PLCE1: variants seen among roughly 807,000 people sequenced by gnomAD.
PLCE1 encodes the protein phospholipase C epsilon 1, also known as 1-phosphatidylinositol 4,5-bisphosphate phosphodiesterase epsilon-1.
In PLCE1, 119 loss-of-function variants were observed where a neutral mutation model predicts 242.8. The observed-to-expected ratio is 0.49, with a 90% CI of 0.42 to 0.57. PLCE1 has a LOEUF of 0.57. Among genes scored for constraint, PLCE1 ranks in the 20% least tolerant of loss-of-function variants. The probability of loss-of-function intolerance (pLI) is 0.00; values close to 1 mark genes in which losing one functional copy is unlikely to be tolerated. For missense variants in PLCE1, 2,441 were observed against 2,788.8 expected (o/e 0.88, Z 2.81); for synonymous variants, 945 against 1,017.4 (o/e 0.93, Z 1.35).
chr10:94,032,014 C>G lies in PLCE1; in HGVS notation c.968C>G (p.Thr323Ser), dbSNP rs1295865478. 6.2e-7 allele frequency: 1 copy of G among 1,613,814 alleles called. No individual in the cohort carries two copies. Among genetic ancestry groups the G allele is most frequent in the Non-Finnish European group, 8.5e-7 (1 of 1,179,836 alleles). Reference sequence around the variant, plus strand: ...TTTAAAAGCAAAAAGGAGCGATCCACTTTGTTAGTCAGGAGATTCTGTAAA... The same window carrying G: ...TTTAAAAGCAAAAAGGAGCGATCCAGTTTGTTAGTCAGGAGATTCTGTAAA... ...DAFKSKKERS[T>S]LLVRRFCKND... The change falls in exon 2 of 33, where the codon ACT (threonine) becomes AGT (serine). Residue 323 changes from threonine to serine, a missense_variant. Thr to Ser is a moderately conservative substitution (Grantham distance 58, BLOSUM62 1). Coordinates refer to ENST00000371380, the MANE Select transcript of PLCE1 (RefSeq NM_016341.4).
intron 19 of PLCE1, among the ~76,000 whole-genome samples, chr10:94,275,992 C>A (rs1385776668): frequency 6.6e-6 from 1 of 152,156 alleles, no homozygotes; most frequent in Non-Finnish European, 1.5e-5. Context: ...GGGAGCCTCA[C>A]ATTTATCTCT....
rs564156031 is a variant in PLCE1 at position 94,230,388 on chromosome 10, A to G, written c.1955+2937A>G. 2.1e-4 allele frequency among the ~76,000 whole-genome samples: 31 copies of G among 150,488 alleles called. No homozygotes were observed. In the East Asian group the frequency reaches 5.9e-3, roughly 29 times the overall value. On this transcript the variant is annotated intron_variant, in intron 5 of 32. Coordinates refer to ENST00000371380, the MANE Select transcript of PLCE1 (RefSeq NM_016341.4). ...CGCCCAGGCTGGAGTGCAGTGGTGC[A>G]ATCTTCGCTCACTGCAACCTCCACC... is the stretch of plus-strand genomic sequence containing the variant.
At chr10:94,236,503 T>G (rs961617387) in intron 7 of PLCE1, among the ~76,000 whole-genome samples, 2 of 151,928 alleles carry the variant, frequency 1.3e-5, no homozygotes, top group Non-Finnish European at 2.9e-5. Flanking sequence ...GGTACTAGGG[T>G]GGGTATTAAG....
At chr10:94,151,756 G>C (rs1299940578) in intron 3 of PLCE1, among the ~76,000 whole-genome samples, 2 of 152,162 alleles carry the variant, frequency 1.3e-5, no homozygotes, top group African/African-American at 4.8e-5. Context: ...TAAGAAGAAA[G>C]CCACAGTAAG....
intron 2 of PLCE1, among the ~76,000 whole-genome samples, chr10:94,115,088 G>A (rs1385053323): frequency 6.6e-6 from 1 of 151,148 alleles, no homozygotes; most frequent in Non-Finnish European, 1.5e-5. Context: ...CCCTACAAAG[G>A]ACATGAACTC....
intron 2 of PLCE1, among the ~76,000 whole-genome samples, chr10:94,065,686 A>G (rs1237456841): frequency 6.6e-6 from 1 of 152,178 alleles, no homozygotes; most frequent in Non-Finnish European, 1.5e-5. Context: ...GCCTTTAATT[A>G]ATGTTTTCAG....
At chr10:94,067,197 C>T (rs2044221551) in intron 2 of PLCE1, among the ~76,000 whole-genome samples, 1 of 152,166 alleles carries the variant, frequency 6.6e-6, no homozygotes, top group Non-Finnish European at 1.5e-5. Context: ...TCCTAACATA[C>T]TGGTTAGTGA....
Position 94,024,801 on chromosome 10 carries a change from C to G in PLCE1, c.-364-5882C>G, listed in dbSNP as rs954849961. Reference sequence around the variant, plus strand: ...ACATTCTAGGAATTAGTGACTATAACTTTCCCACCAATGCAGGAATTTTCT... The same window carrying G: ...ACATTCTAGGAATTAGTGACTATAAGTTTCCCACCAATGCAGGAATTTTCT... On this transcript the variant is annotated intron_variant, in intron 1 of 32. Coordinates refer to ENST00000371380, the MANE Select transcript of PLCE1 (RefSeq NM_016341.4). 3.9e-5 allele frequency among the ~76,000 whole-genome samples: 6 copies of G among 152,090 alleles called. No individual in the cohort carries two copies. In the East Asian group the frequency reaches 1.2e-3, roughly 29 times the overall value.
chr10:93,998,759 A>C (rs1339113045), intron 1 of PLCE1, among the ~76,000 whole-genome samples: 1 of 152,170 alleles, frequency 6.6e-6, no homozygotes, highest in South Asian at 2.1e-4. Context: ...ATCATGATCT[A>C]CCAAAGATGT....
chr10:94,028,747 A>G (rs1440104567), intron 1 of PLCE1, among the ~76,000 whole-genome samples: 1 of 152,106 alleles, frequency 6.6e-6, no homozygotes, highest in Non-Finnish European at 1.5e-5. Context: ...CCAGAAATTC[A>G]AGACCAGACT....
chr10:94,299,383 CA>C (rs1480156089), intron 24 of PLCE1, among the ~76,000 whole-genome samples: 1 of 152,118 alleles, frequency 6.6e-6, no homozygotes, highest in Non-Finnish European at 1.5e-5. Flanking sequence ...CTCAGATGAG[CA>C]AATCAAGGCA....
At chr10:94,106,637 C>T (rs2045744751) in intron 2 of PLCE1, among the ~76,000 whole-genome samples, 1 of 152,084 alleles carries the variant, frequency 6.6e-6, no homozygotes. Context: ...AAATGCTGTC[C>T]TCCCACAAAT....
At chr10:94,262,854 C>G in intron 14 of PLCE1, 122 bp downstream of exon 14, 1 of 818,588 alleles carries the variant, frequency 1.2e-6, no homozygotes, top group South Asian at 1.4e-5. Flanking sequence ...GACAGATATA[C>G]AGTTTTGTTT....
intron 2 of PLCE1, among the ~76,000 whole-genome samples, chr10:94,052,598 A>G (rs2043795101): frequency 6.6e-6 from 1 of 152,218 alleles, no homozygotes; most frequent in African/African-American, 2.4e-5. Context: ...TTCCTTAAGC[A>G]AAAAGGGAAC....
intron 5 of PLCE1, among the ~76,000 whole-genome samples, chr10:94,232,621 C>A (rs768547396): frequency 2.6e-5 from 4 of 152,150 alleles, no homozygotes; most frequent in Admixed American, 1.3e-4. Flanking sequence ...AATTACCTAG[C>A]AAAATGCAGT....
chr10:94,278,903 A>G (rs1278130720), intron 19 of PLCE1, among the ~76,000 whole-genome samples: 1 of 152,092 alleles, frequency 6.6e-6, no homozygotes. Flanking sequence ...GCAGAATTAT[A>G]TATGTGTGTA....
chr10:94,060,132 T>C (rs746617385), intron 2 of PLCE1, among the ~76,000 whole-genome samples: 4 of 152,150 alleles, frequency 2.6e-5, no homozygotes, highest in African/African-American at 9.7e-5. Context: ...AGAGGCAGTG[T>C]GGCTTTTAAT....
intron 7 of PLCE1, among the ~76,000 whole-genome samples, chr10:94,236,578 A>T (rs2050331642): frequency 6.6e-6 from 1 of 152,146 alleles, no homozygotes. Flanking sequence ...CAGTATTTTT[A>T]TCTCTGCCAA....
chr10:94,128,444 C>A (rs2046498642), intron 2 of PLCE1, among the ~76,000 whole-genome samples: 1 of 152,128 alleles, frequency 6.6e-6, no homozygotes. Flanking sequence ...TTTTTGATCT[C>A]TTTCTGGTTC....
Sources: gnomAD v4.1 joint callset for allele counts (sites outside exome capture counted in the v4.1 genomes callset) on GRCh38, gnomAD v4.1.1 for gene constraint, MANE v1.5 for transcripts, NCBI Gene and HGNC (gene_info 2026-07-23, HGNC 2026-07-21) for gene names.